PAGE2B: variants seen among roughly 807,000 people sequenced by gnomAD.
PAGE2B encodes the protein PAGE family member 2B.
PAGE2B carries 5 observed loss-of-function variants against 7.6 expected under a neutral mutation model. The ratio of observed to expected loss-of-function variants is 0.66; its 90% CI spans 0.34 to 1.38. PAGE2B has a LOEUF of 1.38. Ranked by LOEUF, PAGE2B falls within the 40% of genes most tolerant of loss-of-function variation. The probability of loss-of-function intolerance (pLI) is 0.04; values close to 1 mark genes in which losing one functional copy is unlikely to be tolerated. For synonymous variants in PAGE2B, 29 were observed against 26.7 expected (o/e 1.09, Z -0.27); for missense variants, 70 against 78.4 (o/e 0.89, Z 0.41).
rs777795620 is a variant in PAGE2B at position 55,077,648 on chromosome X, G to A, written c.319+124G>A. The A allele has an allele frequency of 1.7e-4, 195 of 1,123,811 alleles. 1 individual carries two copies. In the African/African-American group the frequency reaches 3.4e-3, roughly 19 times the overall value. The allele number at this position is 1,123,811 out of a possible 1,213,427, so 92.6% of individuals were successfully genotyped here. On this transcript the variant is annotated intron_variant, in intron 4 of 4. Transcript: ENST00000374971. ...CACGTCTGAAGGTTCTTTGAATGTA[G>A]TTCAGACCCCAAATGGCTGCCTTAC...
chrX:55,057,762 T>C, the PAGE2B span, among the ~76,000 whole-genome samples: 2 of 111,916 alleles, frequency 1.8e-5, no homozygotes, highest in Non-Finnish European at 3.8e-5. Flanking sequence ...CTAATTAATA[T>C]GTATTTGTTT....
At chrX:55,034,621 T>C in the PAGE2B span, among the ~76,000 whole-genome samples, 1 of 109,512 alleles carries the variant, frequency 9.1e-6, no homozygotes, top group Non-Finnish European at 1.9e-5. Flanking sequence ...AGGCTCATAC[T>C]CTTCCTTTTA....
chrX:55,061,216 G>A, the PAGE2B span, among the ~76,000 whole-genome samples: 1 of 110,921 alleles, frequency 9.0e-6, no homozygotes, highest in East Asian at 2.8e-4. Flanking sequence ...ATAGTGATTT[G>A]TAACACCTGT....
the PAGE2B span, chrX:55,044,666 G>A: frequency 8.9e-6 from 1 of 111,833 alleles, no homozygotes; most frequent in East Asian, 2.8e-4. Context: ...GACCAGTGAA[G>A]AGATTAGTCC....
chrX:55,041,078 C>CTTTTTTTTT, the PAGE2B span, among the ~76,000 whole-genome samples: 1 of 82,154 alleles, frequency 1.2e-5, no homozygotes, highest in Non-Finnish European at 2.4e-5. Flanking sequence ...TTCAATAATT[C>CTTTTTTTTT]TTTTTTTTTT....
the PAGE2B span, among the ~76,000 whole-genome samples, chrX:55,066,015 T>C: frequency 8.9e-6 from 1 of 112,699 alleles, no homozygotes; most frequent in Non-Finnish European, 1.9e-5. Context: ...TTACATTTTG[T>C]GTTTTTCTGT....
the PAGE2B span, among the ~76,000 whole-genome samples, chrX:55,061,532 T>C: frequency 9.0e-6 from 1 of 111,432 alleles, no homozygotes; most frequent in African/African-American, 3.3e-5. Flanking sequence ...CAAAGTGTAA[T>C]AATCACATCA....
chrX:55,076,108 C>T lies in PAGE2B; in HGVS notation c.67C>T (p.Pro23Ser). 9.1e-6 allele frequency: 11 copies of T among 1,206,746 alleles called. No individual in the cohort carries two copies. The highest frequency in any genetic ancestry group is 1.2e-5 in the Non-Finnish European group (11 of 891,727). Residue 23 changes from proline to serine, a missense_variant, in exon 2 of 5, where the codon CCA becomes TCA. Physicochemically the swap from Pro to Ser is moderately conservative, Grantham distance 74 (BLOSUM62 -1). Transcript: ENST00000374971. ...ERGNDQESSQPVGSVIVQEPT... is the reference protein window; with the variant it reads ...ERGNDQESSQSVGSVIVQEPT... ...AGGAAATGACCAAGAGTCTTCCCAGCCAGTTGGATCTGTGATTGTGAGTCC... is the reference window on the plus strand; with the variant it reads ...AGGAAATGACCAAGAGTCTTCCCAGTCAGTTGGATCTGTGATTGTGAGTCC...
chrX:55,053,064 A>G, the PAGE2B span, among the ~76,000 whole-genome samples: 1 of 112,776 alleles, frequency 8.9e-6, no homozygotes, highest in African/African-American at 3.2e-5. Flanking sequence ...TTTGCATTTT[A>G]CATATGTTTA....
At chrX:55,051,461 T>G in the PAGE2B span, among the ~76,000 whole-genome samples, 3 of 112,149 alleles carry the variant, frequency 2.7e-5, no homozygotes, top group African/African-American at 9.7e-5. Flanking sequence ...AGACATAGAT[T>G]TGGTCTTTTC....
At chrX:55,043,822 C>T in the PAGE2B span, among the ~76,000 whole-genome samples, 3 of 109,494 alleles carry the variant, frequency 2.7e-5, no homozygotes, top group African/African-American at 1.0e-4. Context: ...CAAAATCGGG[C>T]GAGTGTGGTG....
At chrX:55,054,066 T>C in the PAGE2B span, among the ~76,000 whole-genome samples, 1 of 110,807 alleles carries the variant, frequency 9.0e-6, no homozygotes, top group Non-Finnish European at 1.9e-5. Context: ...ATACAAAAAT[T>C]AGCTGGGTGT....
chrX:55,057,342 C>T, the PAGE2B span, among the ~76,000 whole-genome samples: 3 of 112,006 alleles, frequency 2.7e-5, no homozygotes, highest in African/African-American at 9.7e-5. Flanking sequence ...AAATGCAAGA[C>T]TGTATGGAGG....
chrX:55,037,795 A>T, the PAGE2B span, among the ~76,000 whole-genome samples: 1 of 106,797 alleles, frequency 9.4e-6, no homozygotes. Flanking sequence ...GCAAACTATC[A>T]CAAGGACAAA....
rs150331595 is a variant in PAGE2B, at chrX:55,075,948, T to C, written c.-8-86T>C. 2.0e-3 allele frequency: 1,802 copies of C among 922,889 alleles called. 3 individuals carry two copies. The highest frequency in any genetic ancestry group is 6.2e-3 in the Middle Eastern group (20 of 3,211). The allele number at this position is 922,889 out of a possible 1,213,427, so 76.1% of individuals were successfully genotyped here. A position where few individuals can be genotyped will look rare whatever the true frequency, so the allele number is the denominator to read the frequency against. ...GAAAATATTTTCAAAATTAAAAAAA[T>C]ACAAATCACCATTTTGCCATGGAAT... On this transcript the variant is annotated intron_variant, in intron 1 of 4. Coordinates refer to ENST00000374971, the MANE Select transcript of PAGE2B (RefSeq NM_001015038.3).
chrX:55,029,488 G>C, the PAGE2B span, among the ~76,000 whole-genome samples: 2 of 111,849 alleles, frequency 1.8e-5, no homozygotes, highest in African/African-American at 3.3e-5. Flanking sequence ...TGTTTCCAGA[G>C]ATTCCTAACT....
the PAGE2B span, among the ~76,000 whole-genome samples, chrX:55,068,000 G>A: frequency 8.9e-6 from 1 of 112,271 alleles, no homozygotes; most frequent in Non-Finnish European, 1.9e-5. Context: ...CTCCCATTCT[G>A]TAGGTTGCCT....
chrX:55,072,013 C>G (rs909822678), upstream of PAGE2B, among the ~76,000 whole-genome samples: 2 of 111,918 alleles, frequency 1.8e-5, no homozygotes, highest in Admixed American at 9.5e-5. Flanking sequence ...CTCCTTAGCT[C>G]AGAAGAGTTT....
chrX:55,071,255 A>T (rs190272976), upstream of PAGE2B, among the ~76,000 whole-genome samples: 2 of 110,391 alleles, frequency 1.8e-5, no homozygotes, highest in East Asian at 5.7e-4. Flanking sequence ...TGGTGACAAA[A>T]TCTCTCGGCA....
Sources: allele counts gnomAD v4.1 joint callset (sites outside exome capture counted in the v4.1 genomes callset), GRCh38; gene constraint gnomAD v4.1.1; transcripts MANE v1.5; gene names NCBI Gene and HGNC (gene_info 2026-07-23, HGNC 2026-07-21).